Variants in PTPRD observed in about 807,000 individuals in gnomAD.
PTPRD encodes the protein receptor-type tyrosine-protein phosphatase delta.
A neutral mutation model predicts 214.5 loss-of-function variants in PTPRD; 34 were observed. That is an observed-to-expected ratio of 0.16 (90% CI 0.12 to 0.21). The LOEUF (loss-of-function observed/expected upper bound fraction) is 0.21, where lower values mean the gene tolerates loss of function less well. Among genes scored for constraint, PTPRD ranks in the 10% least tolerant of loss-of-function variants. The pLI, the probability that PTPRD is intolerant of heterozygous loss-of-function variation, is 1.00. For synonymous variants in PTPRD, 1,128 were observed against 845.7 expected (o/e 1.33, Z -5.79); for missense variants, 2,545 against 2,398.7 (o/e 1.06, Z -1.27).
rs539560497 is a variant in PTPRD, at chr9:8,695,052, G to A, written c.64+38728C>T. ...TCAGCTACTCAATAGCAGCTCAATC[G>A]CTCAGTCTTTTCCCATCCGTCTGTC... is the stretch of plus-strand genomic sequence containing the variant. On this transcript the variant is annotated intron_variant, in intron 12 of 45. Transcript: ENST00000381196. Among the ~76,000 whole-genome samples, 87 of 152,196 alleles carry A rather than the reference G, an allele frequency of 5.7e-4. 2 individuals are homozygous for A. The South Asian group carries it at 5.8e-3, about 10-fold the overall frequency.
chr9:8,769,302 A>G (rs1270146654), intron 11 of PTPRD, among the ~76,000 whole-genome samples: 1 of 152,208 alleles, frequency 6.6e-6, no homozygotes, highest in Non-Finnish European at 1.5e-5. Flanking sequence ...TTTCCTCACA[A>G]CGCTACAGTT....
intron 2 of PTPRD, among the ~76,000 whole-genome samples, chr9:10,542,502 C>T (rs2059329930): frequency 2.0e-5 from 3 of 152,190 alleles, no homozygotes; most frequent in South Asian, 4.1e-4. Context: ...AAAACATGCT[C>T]ATATCTGATA....
At chr9:9,097,966 A>G (rs1186786507) in intron 10 of PTPRD, among the ~76,000 whole-genome samples, 2 of 152,092 alleles carry the variant, frequency 1.3e-5, no homozygotes, top group Non-Finnish European at 2.9e-5. Flanking sequence ...AGATCCAGAG[A>G]GGGACCTGGA....
chr9:10,317,086 G>C (rs541231259), intron 3 of PTPRD, among the ~76,000 whole-genome samples: 2 of 151,918 alleles, frequency 1.3e-5, no homozygotes, highest in South Asian at 4.2e-4. Flanking sequence ...GTACACAGTG[G>C]GTTTATTTCC....
intron 12 of PTPRD, among the ~76,000 whole-genome samples, chr9:8,705,882 T>A (rs2098195352): frequency 6.6e-6 from 1 of 152,200 alleles, no homozygotes; most frequent in South Asian, 2.1e-4. Flanking sequence ...TATTTTTCCA[T>A]GAGCAGAGTT....
At chr9:8,675,203 C>T (rs1462462739) in intron 12 of PTPRD, among the ~76,000 whole-genome samples, 1 of 152,058 alleles carries the variant, frequency 6.6e-6, no homozygotes, top group Admixed American at 6.6e-5. Context: ...TGGCTCCCAA[C>T]CTTTCTCCCC....
At chr9:9,877,168 T>A (rs2067130619) in intron 5 of PTPRD, among the ~76,000 whole-genome samples, 1 of 152,206 alleles carries the variant, frequency 6.6e-6, no homozygotes, top group South Asian at 2.1e-4. Context: ...TGGTAGCACT[T>A]CAGTATGGAC....
intron 11 of PTPRD, among the ~76,000 whole-genome samples, chr9:8,999,381 G>A (rs1201806520): frequency 6.6e-6 from 1 of 152,010 alleles, no homozygotes; most frequent in Non-Finnish European, 1.5e-5. Context: ...GAACAACCCT[G>A]CACTAGCAAA....
At chr9:8,382,587 G>A (rs1589155311) in intron 37 of PTPRD, among the ~76,000 whole-genome samples, 1 of 152,106 alleles carries the variant, frequency 6.6e-6, no homozygotes, top group Admixed American at 6.5e-5. Flanking sequence ...GAAATTGGTG[G>A]GATTCTTTCT....
rs772202474 is a variant in PTPRD, at chr9:10,199,911, GCA to G, written c.-545+141050_-545+141051del. Among the ~76,000 whole-genome samples, 232 of 82,584 alleles carry G rather than the reference GCA, an allele frequency of 2.8e-3. 5 individuals are homozygous for G. The East Asian group carries it at 0.075, about 27-fold the overall frequency. The allele number at this position is 82,584 out of a possible 152,430, so 54.2% of individuals were successfully genotyped here. On this transcript the variant is annotated intron_variant, in intron 3 of 45. Transcript: ENST00000381196. ...TACATGGGCACTCGCGCGCACACAC[GCA>G]CACACACACACACACACACACATCC...
chr9:9,993,964 T>C (rs1245728647), intron 4 of PTPRD, among the ~76,000 whole-genome samples: 1 of 152,182 alleles, frequency 6.6e-6, no homozygotes, highest in Non-Finnish European at 1.5e-5. Context: ...TGTAAATATG[T>C]ATAATACGTA....
At chr9:10,540,480 C>A (rs140845797) in intron 2 of PTPRD, among the ~76,000 whole-genome samples, 3 of 152,252 alleles carry the variant, frequency 2.0e-5, no homozygotes, top group Non-Finnish European at 4.4e-5. Context: ...ACTAAATTAT[C>A]TTTTATTACT....
intron 11 of PTPRD, among the ~76,000 whole-genome samples, chr9:8,857,473 G>A (rs974462584): frequency 1.2e-4 from 18 of 152,302 alleles, no homozygotes; most frequent in Admixed American, 7.2e-4. Flanking sequence ...GAGGTCCAGA[G>A]GAGCAAACTG....
intron 8 of PTPRD, among the ~76,000 whole-genome samples, chr9:9,425,803 T>C (rs2080651134): frequency 1.3e-5 from 2 of 152,298 alleles, no homozygotes; most frequent in South Asian, 2.1e-4. Context: ...AACTGGAATT[T>C]CTTCACCACT....
chr9:8,568,522 G>C (rs1341768725), intron 14 of PTPRD, among the ~76,000 whole-genome samples: 1 of 152,116 alleles, frequency 6.6e-6, no homozygotes, highest in East Asian at 1.9e-4. Context: ...GTTTTGAAAG[G>C]CTGATTATTA....
At chr9:10,461,313 A>T (rs902118260) in intron 2 of PTPRD, among the ~76,000 whole-genome samples, 1 of 151,896 alleles carries the variant, frequency 6.6e-6, no homozygotes, top group Non-Finnish European at 1.5e-5. Flanking sequence ...AAACAGTGTC[A>T]GATTTCTAAT....
chr9:10,486,750 T>C (rs893353134), intron 2 of PTPRD, among the ~76,000 whole-genome samples: 1 of 152,216 alleles, frequency 6.6e-6, no homozygotes, highest in African/African-American at 2.4e-5. Flanking sequence ...GAATGATTCA[T>C]GTGCTGAGGG....
intron 11 of PTPRD, among the ~76,000 whole-genome samples, chr9:8,823,138 C>T (rs1183781504): frequency 6.6e-6 from 1 of 152,116 alleles, no homozygotes; most frequent in Non-Finnish European, 1.5e-5. Context: ...CGGTATTCTA[C>T]TCTACTTTAA....
intron 11 of PTPRD, among the ~76,000 whole-genome samples, chr9:8,835,748 G>A (rs936310032): frequency 6.6e-6 from 1 of 151,962 alleles, no homozygotes; most frequent in African/African-American, 2.4e-5. Context: ...ATGCTGCCCA[G>A]GCTGGTCTTG....
Sources: gnomAD v4.1 joint callset for allele counts (sites outside exome capture counted in the v4.1 genomes callset) on GRCh38, gnomAD v4.1.1 for gene constraint, MANE v1.5 for transcripts, NCBI Gene and HGNC (gene_info 2026-07-23, HGNC 2026-07-21) for gene names.